Variants in GSTCD observed in about 807,000 individuals in gnomAD.
GSTCD encodes glutathione S-transferase C-terminal domain-containing protein.
GSTCD carries 44 observed loss-of-function variants against 68.3 expected under a neutral mutation model. That is an observed-to-expected ratio of 0.64 (90% CI 0.51 to 0.83). The LOEUF (loss-of-function observed/expected upper bound fraction) is 0.83. GSTCD is among the 40% of genes least tolerant of loss of function. The pLI is 0.00. For synonymous variants in GSTCD, 273 were observed against 255.2 expected (o/e 1.07, Z -0.67); for missense variants, 739 against 735.9 (o/e 1.00, Z -0.05).
At chr4:105,740,078 A>G (rs1733584202) in intron 5 of GSTCD, among the ~76,000 whole-genome samples, 1 of 151,944 alleles carries the variant, frequency 6.6e-6, no homozygotes, top group Admixed American at 6.6e-5. Context: ...ATGAAGGGAT[A>G]TTGTGGGTAC....
intron 8 of GSTCD, among the ~76,000 whole-genome samples, chr4:105,833,428 A>G (rs574023531): frequency 6.6e-6 from 1 of 151,368 alleles, no homozygotes; most frequent in African/African-American, 2.4e-5. Flanking sequence ...GTGCCATTGC[A>G]CTCCAGCCTG....
chr4:105,729,876 A>G (rs1733170907), intron 5 of GSTCD, among the ~76,000 whole-genome samples: 1 of 152,008 alleles, frequency 6.6e-6, no homozygotes, highest in Non-Finnish European at 1.5e-5. Flanking sequence ...TATATCTCCT[A>G]ATGCTATCCC....
chr4:105,841,770 G>A (rs1724349856), intron 10 of GSTCD, among the ~76,000 whole-genome samples: 1 of 152,090 alleles, frequency 6.6e-6, no homozygotes, highest in Non-Finnish European at 1.5e-5. Context: ...GAATCACTGG[G>A]AGTCTGGGAG....
intron 5 of GSTCD, among the ~76,000 whole-genome samples, chr4:105,739,313 A>C (rs1001661846): frequency 2.6e-5 from 4 of 151,926 alleles, no homozygotes; most frequent in African/African-American, 9.7e-5. Flanking sequence ...CTGTTGTATA[A>C]GTTTTTTTGT....
chr4:105,781,125 C>T (rs1373957990), intron 5 of GSTCD, among the ~76,000 whole-genome samples: 6 of 152,168 alleles, frequency 3.9e-5, no homozygotes, highest in Non-Finnish European at 7.3e-5. Context: ...TTACTTTCTC[C>T]TCTCACCCAG....
intron 3 of GSTCD, among the ~76,000 whole-genome samples, chr4:105,721,265 T>C (rs1732851032): frequency 1.3e-5 from 2 of 152,158 alleles, no homozygotes; most frequent in Non-Finnish European, 2.9e-5. Flanking sequence ...ACCCTTGATA[T>C]TTGTTATATT....
chr4:105,719,735 G>A (rs1269299608), intron 3 of GSTCD, among the ~76,000 whole-genome samples: 3 of 152,164 alleles, frequency 2.0e-5, no homozygotes, highest in Non-Finnish European at 2.9e-5. Flanking sequence ...TTTGTGTGAA[G>A]TATGGAGAAC....
intron 5 of GSTCD, among the ~76,000 whole-genome samples, chr4:105,754,271 A>G (rs1219607250): frequency 6.6e-6 from 1 of 152,180 alleles, no homozygotes; most frequent in Non-Finnish European, 1.5e-5. Flanking sequence ...CAATAACAAT[A>G]GCTCACAGGC....
intron 5 of GSTCD, among the ~76,000 whole-genome samples, chr4:105,758,882 T>C (rs1244121786): frequency 6.6e-6 from 1 of 152,210 alleles, no homozygotes; most frequent in African/African-American, 2.4e-5. Flanking sequence ...TAGGGAAAAC[T>C]CATTGTTTTA....
At chr4:105,738,535 T>C (rs1014694879) in intron 5 of GSTCD, among the ~76,000 whole-genome samples, 15 of 152,328 alleles carry the variant, frequency 9.8e-5, no homozygotes, top group African/African-American at 3.6e-4. Flanking sequence ...ATTTATTTTT[T>C]TGTGTGTCCT....
At chr4:105,835,877 G>A (rs1353744977) in intron 9 of GSTCD, among the ~76,000 whole-genome samples, 1 of 152,178 alleles carries the variant, frequency 6.6e-6, no homozygotes, top group Non-Finnish European at 1.5e-5. Flanking sequence ...CCTCTCCACA[G>A]ACAGTCATCC....
chr4:105,771,445 A>G (rs1274728419), intron 5 of GSTCD, among the ~76,000 whole-genome samples: 2 of 152,176 alleles, frequency 1.3e-5, no homozygotes, highest in African/African-American at 2.4e-5. Flanking sequence ...GTCTTTGCCC[A>G]TTCCTATGTC....
At chr4:105,760,060 C>T (rs963092903) in intron 5 of GSTCD, among the ~76,000 whole-genome samples, 10 of 151,352 alleles carry the variant, frequency 6.6e-5, no homozygotes, top group Admixed American at 5.9e-4. Flanking sequence ...TCTCTACCTT[C>T]GCAATGTTTA....
chr4:105,758,342 T>C (rs1167174017), intron 5 of GSTCD, among the ~76,000 whole-genome samples: 1 of 152,148 alleles, frequency 6.6e-6, no homozygotes, highest in African/African-American at 2.4e-5. Context: ...TAATCCCCAG[T>C]GCTGGAGGTG....
chr4:105,726,857 A>C, intron 4 of GSTCD, 27 bp downstream of exon 4: 1 of 1,556,038 alleles, frequency 6.4e-7, no homozygotes, highest in East Asian at 2.3e-5. Context: ...ATTTTCTTTG[A>C]AAAATTCTAT....
chr4:105,737,211 A>G (rs1333817081), intron 5 of GSTCD, among the ~76,000 whole-genome samples: 1 of 152,180 alleles, frequency 6.6e-6, no homozygotes, highest in Admixed American at 6.5e-5. Flanking sequence ...TACCAACAGT[A>G]TATAAGTTTC....
chr4:105,774,647 ATTCTT>A (rs1210303136), intron 5 of GSTCD, among the ~76,000 whole-genome samples: 3 of 152,266 alleles, frequency 2.0e-5, no homozygotes, highest in Admixed American at 6.5e-5. Flanking sequence ...TGGGTTGAAA[ATTCTT>A]TTCTTTAAGA....
chr4:105,769,676 G>C (rs1456416805), intron 5 of GSTCD, among the ~76,000 whole-genome samples: 1 of 151,952 alleles, frequency 6.6e-6, no homozygotes, highest in Non-Finnish European at 1.5e-5. Context: ...TATTTAATTT[G>C]TTTATTTGTT....
At chr4:105,785,767 G>GA (rs1004421765) in intron 5 of GSTCD, among the ~76,000 whole-genome samples, 18 of 148,620 alleles carry the variant, frequency 1.2e-4, no homozygotes, top group South Asian at 6.4e-4. Flanking sequence ...GAATAAAAAG[G>GA]AAAAAAAAAG....
Sources: gnomAD v4.1 joint callset for allele counts (sites outside exome capture counted in the v4.1 genomes callset) on GRCh38, gnomAD v4.1.1 for gene constraint, MANE v1.5 for transcripts, NCBI Gene and HGNC (gene_info 2026-07-23, HGNC 2026-07-21) for gene names.